PGAP1: variants seen among roughly 807,000 people sequenced by gnomAD.
PGAP1 encodes GPI inositol-deacylase.
PGAP1 carries 76 observed loss-of-function variants against 127.0 expected under a neutral mutation model. The ratio of observed to expected loss-of-function variants is 0.60; its 90% CI spans 0.50 to 0.72. The LOEUF is 0.72. Ranked by LOEUF, PGAP1 falls within the 30% of genes least tolerant of loss-of-function variation. The pLI is 0.00. For missense variants in PGAP1, 982 were observed against 1,071.3 expected (o/e 0.92, Z 1.16); for synonymous variants, 362 against 366.5 (o/e 0.99, Z 0.14).
intron 5 of PGAP1, 110 bp downstream of exon 5, chr2:196,902,475 A>G: frequency 1.1e-6 from 1 of 902,012 alleles, no homozygotes; most frequent in African/African-American, 1.7e-5. Context: ...ACAGCAGTCC[A>G]ACACCACTAA....
At chr2:196,879,660 A>G (rs1559349966) in intron 13 of PGAP1, among the ~76,000 whole-genome samples, 1 of 152,070 alleles carries the variant, frequency 6.6e-6, no homozygotes, top group Non-Finnish European at 1.5e-5. Flanking sequence ...GCGCCACTGC[A>G]CTCCAGCCTG....
chr2:196,859,639 C>T (rs1700997219), intron 20 of PGAP1, among the ~76,000 whole-genome samples: 1 of 152,084 alleles, frequency 6.6e-6, no homozygotes, highest in South Asian at 2.1e-4. Context: ...AAACTGACTT[C>T]AACAACATAT....
chr2:196,841,263 A>T lies in PGAP1; in HGVS notation c.2740T>A (p.Leu914Ile), dbSNP rs777064646. ...ATAAAGTTGCATAATGCATGGAGTAAAAGAGGAATGAAGACAAAGCATGGA... is the reference window on the plus strand; with the variant it reads ...ATAAAGTTGCATAATGCATGGAGTATAAGAGGAATGAAGACAAAGCATGGA... ...RLPCFVFIPL[L>I]LHALCNFM The change falls in exon 27 of 27, where the codon TTA (leucine) becomes ATA (isoleucine). Residue 914 changes from leucine (L) to isoleucine (I), a missense_variant. Leu to Ile is a conservative substitution (Grantham distance 5). Transcript: ENST00000354764. The T allele has an allele frequency of 6.2e-7, 1 of 1,613,874 alleles. No homozygotes were observed. The highest frequency in any genetic ancestry group is 2.2e-5 in the East Asian group (1 of 44,836).
At chr2:196,881,144 A>G (rs551007391) in intron 12 of PGAP1, among the ~76,000 whole-genome samples, 4 of 152,182 alleles carry the variant, frequency 2.6e-5, no homozygotes, top group African/African-American at 4.8e-5. Context: ...TCCTGCATTC[A>G]TTTGCTAAGG....
At chr2:196,864,436 C>T (rs1038971068) in intron 20 of PGAP1, among the ~76,000 whole-genome samples, 3 of 145,098 alleles carry the variant, frequency 2.1e-5, no homozygotes, top group Non-Finnish European at 4.5e-5. Context: ...AATATTAGGG[C>T]ACTATTGTTA....
At chr2:196,889,741 C>T (rs1172884691) in intron 10 of PGAP1, among the ~76,000 whole-genome samples, 1 of 151,524 alleles carries the variant, frequency 6.6e-6, no homozygotes, top group African/African-American at 2.4e-5. Context: ...CGCCTGTAGT[C>T]CCAGCTACTC....
At chr2:196,848,175 T>G (rs914710183) in intron 20 of PGAP1, 138 bp from the exon 21 acceptor site, 6 of 436,776 alleles carry the variant, frequency 1.4e-5, no homozygotes, top group Non-Finnish European at 2.4e-5. Flanking sequence ...AGACTCTTCT[T>G]GAAAGATTAA....
At chr2:196,874,371 G>C (rs994380820) in intron 14 of PGAP1, among the ~76,000 whole-genome samples, 4 of 151,798 alleles carry the variant, frequency 2.6e-5, no homozygotes, top group Non-Finnish European at 5.9e-5. Context: ...GGGGGAGAAG[G>C]GTCTACTTTA....
intron 13 of PGAP1, 27 bp downstream of exon 13, chr2:196,880,049 T>C (rs1220859673): frequency 1.3e-6 from 2 of 1,523,598 alleles, no homozygotes; most frequent in Admixed American, 1.7e-5. Flanking sequence ...CAAAACATTC[T>C]AATAACAATC....
At chr2:196,918,338 G>T (rs543996140) in intron 2 of PGAP1, among the ~76,000 whole-genome samples, 2 of 152,006 alleles carry the variant, frequency 1.3e-5, no homozygotes, top group Non-Finnish European at 2.9e-5. Context: ...TACACTCTTG[G>T]GTATCTAGCT....
rs192871517 is a variant in PGAP1, at chr2:196,833,803, G to A, written c.*7431C>T. Reference sequence around the variant, plus strand: ...TTATCAGAGACCATGATTATCCTGTGAATAAAATAATTTGGACCTTAATAT... The same window carrying A: ...TTATCAGAGACCATGATTATCCTGTAAATAAAATAATTTGGACCTTAATAT... On this transcript the variant is annotated 3_prime_UTR_variant, in exon 27 of 27. Transcript: ENST00000354764. The A allele has an allele frequency of 7.6e-4, 116 of 152,024 alleles. No homozygotes were observed. The highest frequency in any genetic ancestry group is 2.7e-3 in the African/African-American group (113 of 41,510). 9.4% of individuals were successfully genotyped at this position (152,024 alleles called of 1,614,324 possible).
chr2:196,881,726 T>C (rs1701739085), intron 12 of PGAP1, among the ~76,000 whole-genome samples: 1 of 152,250 alleles, frequency 6.6e-6, no homozygotes, highest in Non-Finnish European at 1.5e-5. Context: ...GTTTTTATCT[T>C]GTAAATTTGT....
chr2:196,841,376 T>C lies in PGAP1; in HGVS notation c.2631-4A>G. On this transcript the variant is annotated splice_polypyrimidine_tract_variant and splice_region_variant and intron_variant, in intron 26 of 26. Coordinates refer to ENST00000354764, the MANE Select transcript of PGAP1 (RefSeq NM_024989.4). Reference sequence around the variant, plus strand: ...TGAAGTAGTCTTCAACAATTTACTGTAAAGAGACAGAGAAATATACATTAC... The same window carrying C: ...TGAAGTAGTCTTCAACAATTTACTGCAAAGAGACAGAGAAATATACATTAC... The C allele has an allele frequency of 6.2e-7, 1 of 1,609,634 alleles. No homozygotes were observed. Among genetic ancestry groups the C allele is most frequent in the South Asian group, 1.1e-5 (1 of 90,524 alleles).
At chr2:196,917,964 G>T (rs1377294674) in intron 2 of PGAP1, among the ~76,000 whole-genome samples, 1 of 152,092 alleles carries the variant, frequency 6.6e-6, no homozygotes, top group Non-Finnish European at 1.5e-5. Context: ...ATGTATGAGG[G>T]TTCCAATTTC....
intron 13 of PGAP1, 82 bp downstream of exon 13, chr2:196,879,994 A>C: frequency 1.0e-6 from 1 of 967,946 alleles, no homozygotes; most frequent in Non-Finnish European, 1.6e-6. Context: ...TAAACTGTGC[A>C]GAAAAACTCA....
chr2:196,922,122 C>G, intron 1 of PGAP1: 1 of 1,267,096 alleles, frequency 7.9e-7, no homozygotes, highest in African/African-American at 1.6e-5. Flanking sequence ...TAAATATTAT[C>G]TCCACAATCC....
Position 196,872,424 on chromosome 2 carries a change from T to A in PGAP1, c.1728+17A>T. 1 of 1,512,306 alleles carries A rather than the reference T, an allele frequency of 6.6e-7. No homozygotes were observed. The highest frequency in any genetic ancestry group is 9.2e-7 in the Non-Finnish European group (1 of 1,091,622). 93.7% of individuals were successfully genotyped at this position (1,512,306 alleles called of 1,614,324 possible). ...TCTACAACTAAATCTTAAAAATTAA[T>A]CAAACATACAACTTACCTCGTACCG... is the stretch of plus-strand genomic sequence containing the variant. On this transcript the variant is annotated intron_variant, in intron 18 of 26. Transcript: ENST00000354764.
At chr2:196,885,523 T>C in intron 11 of PGAP1, 48 bp from the exon 12 acceptor site, 4 of 1,266,044 alleles carry the variant, frequency 3.2e-6, no homozygotes, top group East Asian at 2.3e-5. Flanking sequence ...TATATGGAAG[T>C]ATTACAAATT....
At chr2:196,855,338 A>C (rs1205292452) in intron 20 of PGAP1, among the ~76,000 whole-genome samples, 1 of 151,400 alleles carries the variant, frequency 6.6e-6, no homozygotes, top group Non-Finnish European at 1.5e-5. Context: ...AAAAAAAAAA[A>C]AAAAAAAATG....
Sources: gnomAD v4.1 joint callset for allele counts (sites outside exome capture counted in the v4.1 genomes callset) on GRCh38, gnomAD v4.1.1 for gene constraint, MANE v1.5 for transcripts, NCBI Gene and HGNC (gene_info 2026-07-23, HGNC 2026-07-21) for gene names.